TBC1D19: variants seen among roughly 807,000 people sequenced by gnomAD.
TBC1D19 encodes the protein TBC1 domain family, member 19.
Under a neutral mutation model 89.0 loss-of-function variants are expected in TBC1D19, and 60 were observed. That is an observed-to-expected ratio of 0.67 (90% CI 0.55 to 0.84). The LOEUF (loss-of-function observed/expected upper bound fraction) is 0.84, where lower values mean the gene tolerates loss of function less well. Among genes scored for constraint, TBC1D19 ranks in the 40% least tolerant of loss-of-function variants. The pLI is 0.00. For missense variants in TBC1D19, 500 were observed against 610.8 expected, an observed-to-expected ratio of 0.82 and a Z score of 1.91; for synonymous variants, 189 against 199.7, an observed-to-expected ratio of 0.95 and a Z score of 0.45.
intron 4 of TBC1D19, among the ~76,000 whole-genome samples, chr4:26,621,854 C>T (rs1008946537): frequency 2.6e-5 from 4 of 151,732 alleles, no homozygotes; most frequent in African/African-American, 7.3e-5. Flanking sequence ...AATTGTCCAA[C>T]AACGATAGAC....
chr4:26,624,482 T>C (rs932072049), intron 4 of TBC1D19, among the ~76,000 whole-genome samples: 10 of 152,158 alleles, frequency 6.6e-5, no homozygotes, highest in African/African-American at 2.4e-4. Context: ...AGTGCTGGGA[T>C]TACAGGCGTG....
chr4:26,753,689 C>T lies in TBC1D19; in HGVS notation c.1436-131C>T, dbSNP rs554565361. The T allele has an allele frequency of 3.6e-5, 29 of 813,334 alleles. No individual in the cohort carries two copies. The East Asian group carries it at 5.0e-4, about 14-fold the overall frequency. 50.4% of individuals were successfully genotyped at this position (813,334 alleles called of 1,614,324 possible). A position where few individuals can be genotyped will look rare whatever the true frequency, so the allele number is the denominator to read the frequency against. ...CATCACAAGACCTTAATTCAGAATG[C>T]GGGGGTGTGGTCCGTTGTGTAAAGC... On this transcript the variant is annotated intron_variant, in intron 19 of 20. Coordinates refer to ENST00000264866, the MANE Select transcript of TBC1D19 (RefSeq NM_018317.4).
Position 26,672,099 on chromosome 4 carries a change from T to C in TBC1D19, c.665-50T>C, listed in dbSNP as rs368886427. 3.1e-5 allele frequency: 26 copies of C among 840,584 alleles called. No homozygotes were observed. The African/African-American group carries it at 4.4e-4, about 14-fold the overall frequency. 52.1% of individuals were successfully genotyped at this position (840,584 alleles called of 1,614,324 possible). On this transcript the variant is annotated intron_variant, in intron 9 of 20. Transcript: ENST00000264866. ...AATGTATCTAATGTTGTTCTAAATG[T>C]GATTGCTCATACTCATGTCTAATAA...
the TBC1D19 span, among the ~76,000 whole-genome samples, chr4:26,815,064 A>G: frequency 6.6e-6 from 1 of 151,896 alleles, no homozygotes; most frequent in African/African-American, 2.4e-5. Flanking sequence ...ATTCTTCCCT[A>G]GAGCATAAAG....
At chr4:26,716,748 A>T (rs1716642197) in intron 13 of TBC1D19, among the ~76,000 whole-genome samples, 3 of 151,992 alleles carry the variant, frequency 2.0e-5, no homozygotes. Flanking sequence ...AATTATTAAG[A>T]CTGATGGGAT....
chr4:26,772,989 G>C, the TBC1D19 span, among the ~76,000 whole-genome samples: 4 of 152,154 alleles, frequency 2.6e-5, no homozygotes, highest in Non-Finnish European at 5.9e-5. Flanking sequence ...CCAGTAATGG[G>C]ATTGCTAGGT....
intron 7 of TBC1D19, among the ~76,000 whole-genome samples, chr4:26,643,756 T>A (rs1464486448): frequency 6.6e-6 from 1 of 152,128 alleles, no homozygotes; most frequent in Non-Finnish European, 1.5e-5. Flanking sequence ...TCACCACCGA[T>A]TCCACAGAAA....
the TBC1D19 span, among the ~76,000 whole-genome samples, chr4:26,767,213 C>T: frequency 1.3e-5 from 2 of 152,130 alleles, no homozygotes; most frequent in Non-Finnish European, 1.5e-5. Context: ...ATGTTTTGTG[C>T]TGTATTTTCC....
the TBC1D19 span, among the ~76,000 whole-genome samples, chr4:26,837,288 T>C: frequency 6.6e-6 from 1 of 152,098 alleles, no homozygotes; most frequent in Non-Finnish European, 1.5e-5. Context: ...TAATGGGAGA[T>C]GGGCATGGAG....
At chr4:26,699,706 CT>C (rs1715145489) in intron 13 of TBC1D19, among the ~76,000 whole-genome samples, 1 of 152,102 alleles carries the variant, frequency 6.6e-6, no homozygotes, top group African/African-American at 2.4e-5. Context: ...AGTTCATGTC[CT>C]TTGTAGAGAC....
chr4:26,606,232 T>C (rs1182511863), intron 1 of TBC1D19, among the ~76,000 whole-genome samples: 3 of 152,094 alleles, frequency 2.0e-5, no homozygotes, highest in African/African-American at 7.2e-5. Context: ...ATGAGTGAAA[T>C]AGAGAGGCCA....
At chr4:26,685,393 C>T (rs1172608533) in intron 12 of TBC1D19, among the ~76,000 whole-genome samples, 1 of 152,180 alleles carries the variant, frequency 6.6e-6, no homozygotes, top group East Asian at 1.9e-4. Context: ...TTATAATTCT[C>T]CTCCCTCTGC....
chr4:26,785,148 C>A, the TBC1D19 span, among the ~76,000 whole-genome samples: 1 of 152,152 alleles, frequency 6.6e-6, no homozygotes, highest in African/African-American at 2.4e-5. Context: ...TTTTATCTCC[C>A]TACCCACTCT....
the TBC1D19 span, among the ~76,000 whole-genome samples, chr4:26,788,884 G>A: frequency 1.3e-5 from 2 of 152,156 alleles, no homozygotes; most frequent in African/African-American, 4.8e-5. Flanking sequence ...ACTTAGGGTG[G>A]GAGTCGCTGA....
rs767625239 is a variant in TBC1D19, at chr4:26,735,507, C to T, written c.1117+20C>T. 1.7e-5 allele frequency: 27 copies of T among 1,544,146 alleles called. No individual in the cohort carries two copies. Among genetic ancestry groups the T allele is most frequent in the Non-Finnish European group, 2.2e-5 (25 of 1,137,666 alleles). On this transcript the variant is annotated intron_variant, in intron 16 of 20. Coordinates refer to ENST00000264866, the MANE Select transcript of TBC1D19 (RefSeq NM_018317.4). ...TGTATGGTAAGTTGGGCTTTAAAAA[C>T]ATCATAATGTACACAAAACATACAA...
intron 1 of TBC1D19, among the ~76,000 whole-genome samples, chr4:26,601,131 CTA>C (rs35275566): frequency 0.37 from 54,776 of 149,914 alleles, 11,231 homozygotes; most frequent in Non-Finnish European, 0.47. Flanking sequence ...TTGTGTATGT[CTA>C]TATATATATA....
the TBC1D19 span, among the ~76,000 whole-genome samples, chr4:26,811,876 G>C: frequency 6.6e-6 from 1 of 152,140 alleles, no homozygotes; most frequent in South Asian, 2.1e-4. Context: ...GGTTTTGGCC[G>C]GCTTCTTTAC....
chr4:26,804,622 C>G, the TBC1D19 span, among the ~76,000 whole-genome samples: 12 of 152,110 alleles, frequency 7.9e-5, no homozygotes, highest in Non-Finnish European at 1.6e-4. Context: ...AGGCCCAGAC[C>G]CCACCGGGCG....
At chr4:26,603,556 G>A (rs1740770234) in intron 1 of TBC1D19, among the ~76,000 whole-genome samples, 1 of 152,038 alleles carries the variant, frequency 6.6e-6, no homozygotes, top group Non-Finnish European at 1.5e-5. Context: ...TTACATATAT[G>A]TATGAGGGTG....
Sources: gnomAD v4.1 joint callset for allele counts (sites outside exome capture counted in the v4.1 genomes callset) on GRCh38, gnomAD v4.1.1 for gene constraint, MANE v1.5 for transcripts, NCBI Gene and HGNC (gene_info 2026-07-23, HGNC 2026-07-21) for gene names.